WWOX: variants seen among roughly 807,000 people sequenced by gnomAD.
WWOX encodes the protein WW domain containing oxidoreductase, also known as WW domain-containing oxidoreductase.
A neutral mutation model predicts 46.2 loss-of-function variants in WWOX; 69 were observed. The observed-to-expected ratio is 1.49, with a 90% CI of 1.23 to 1.82. The LOEUF (loss-of-function observed/expected upper bound fraction) is 1.82, where lower values mean the gene tolerates loss of function less well. Ranked by LOEUF, WWOX falls within the 40% of genes most tolerant of loss-of-function variation. WWOX has a pLI of 0.00. For synonymous variants in WWOX, 359 were observed against 202.6 expected, an observed-to-expected ratio of 1.77 and a Z score of -6.56; for missense variants, 919 against 542.6, an observed-to-expected ratio of 1.69 and a Z score of -6.89.
At chr16:78,543,714 C>G (rs1036182932) in intron 8 of WWOX, among the ~76,000 whole-genome samples, 1 of 152,174 alleles carries the variant, frequency 6.6e-6, no homozygotes, top group African/African-American at 2.4e-5. Context: ...TGCTCCTTGT[C>G]TTGTGGAGGG....
intron 8 of WWOX, among the ~76,000 whole-genome samples, chr16:78,524,341 C>T (rs1009716965): frequency 2.0e-5 from 3 of 152,100 alleles, no homozygotes; most frequent in South Asian, 2.1e-4. Context: ...TCTCCCTCTC[C>T]ATTAAAATGC....
At chr16:78,669,075 A>G (rs893960911) in intron 8 of WWOX, among the ~76,000 whole-genome samples, 14 of 152,214 alleles carry the variant, frequency 9.2e-5, no homozygotes, top group African/African-American at 3.4e-4. Flanking sequence ...CACTGAAGCT[A>G]CAACTGGAGC....
At chr16:78,568,363 G>C (rs1296846976) in intron 8 of WWOX, among the ~76,000 whole-genome samples, 1 of 151,708 alleles carries the variant, frequency 6.6e-6, no homozygotes, top group Non-Finnish European at 1.5e-5. Context: ...CAAGAACCGT[G>C]GCAGTACTCA....
At chr16:79,082,606 C>T (rs952423267) in intron 8 of WWOX, among the ~76,000 whole-genome samples, 2 of 152,104 alleles carry the variant, frequency 1.3e-5, no homozygotes, top group African/African-American at 2.4e-5. Flanking sequence ...GCCAGAAAGT[C>T]GCGAGTGTTT....
chr16:78,633,483 C>G (rs535104357), intron 8 of WWOX, among the ~76,000 whole-genome samples: 2 of 152,126 alleles, frequency 1.3e-5, no homozygotes, highest in Non-Finnish European at 2.9e-5. Context: ...ACCACGAGTT[C>G]AGAACTTTGG....
intron 8 of WWOX, among the ~76,000 whole-genome samples, chr16:78,924,707 C>T (rs778563106): frequency 6.6e-6 from 1 of 152,162 alleles, no homozygotes; most frequent in African/African-American, 2.4e-5. Context: ...ACCATTAATA[C>T]CTTGAATAAG....
intron 8 of WWOX, among the ~76,000 whole-genome samples, chr16:78,623,619 G>A (rs2738569): frequency 0.72 from 109,943 of 151,750 alleles, 40,009 homozygotes; most frequent in African/African-American, 0.77. Context: ...GGCAGGGGTT[G>A]CAGTGAGTGC....
At chr16:78,261,310 C>CATAT (rs1321289355) in intron 5 of WWOX, among the ~76,000 whole-genome samples, 1 of 150,424 alleles carries the variant, frequency 6.6e-6, no homozygotes, top group East Asian at 1.9e-4. Flanking sequence ...TACATACATA[C>CATAT]ATATAAAATT....
At chr16:78,402,521 G>A (rs138636750) in intron 6 of WWOX, among the ~76,000 whole-genome samples, 8 of 152,198 alleles carry the variant, frequency 5.3e-5, no homozygotes, top group South Asian at 2.1e-4. Flanking sequence ...TTGGAGGTCC[G>A]TAGAAATTGG....
intron 4 of WWOX, chr16:78,119,192 C>T (rs2032966494): frequency 6.6e-6 from 1 of 152,228 alleles, no homozygotes; most frequent in Non-Finnish European, 1.5e-5. Flanking sequence ...TTTTACGACT[C>T]TTTGGAGTTA....
At chr16:78,997,259 C>T (rs925855961) in intron 8 of WWOX, among the ~76,000 whole-genome samples, 1 of 152,132 alleles carries the variant, frequency 6.6e-6, no homozygotes, top group Non-Finnish European at 1.5e-5. Context: ...AATAAGCAGT[C>T]CCAGCAAGAC....
At chr16:78,474,789 C>G (rs1043958396) in intron 8 of WWOX, among the ~76,000 whole-genome samples, 1 of 152,222 alleles carries the variant, frequency 6.6e-6, no homozygotes, top group East Asian at 1.9e-4. Flanking sequence ...CATCTCCATG[C>G]GTTTGTATAT....
intron 8 of WWOX, among the ~76,000 whole-genome samples, chr16:78,730,668 C>A (rs1019094387): frequency 6.8e-6 from 1 of 147,946 alleles, no homozygotes; most frequent in Admixed American, 7.0e-5. Flanking sequence ...CTGTGTTGCC[C>A]GGGATGGTCT....
chr16:79,135,890 C>G (rs1334767136), intron 8 of WWOX, among the ~76,000 whole-genome samples: 8 of 152,090 alleles, frequency 5.3e-5, no homozygotes, highest in Non-Finnish European at 1.2e-4. Flanking sequence ...TATTCTCGGT[C>G]CAGCTTTCTA....
At chr16:78,806,542 G>A (rs1159453640) in intron 8 of WWOX, among the ~76,000 whole-genome samples, 1 of 152,024 alleles carries the variant, frequency 6.6e-6, no homozygotes, top group East Asian at 1.9e-4. Flanking sequence ...CTGACTGGTG[G>A]GTGGGACCCT....
intron 8 of WWOX, among the ~76,000 whole-genome samples, chr16:79,092,346 G>T (rs967482458): frequency 6.6e-6 from 1 of 152,162 alleles, no homozygotes; most frequent in Non-Finnish European, 1.5e-5. Flanking sequence ...TTGAAAACAG[G>T]GCAGTAAAAT....
chr16:78,719,321 C>T (rs1329421372), intron 8 of WWOX, among the ~76,000 whole-genome samples: 2 of 152,224 alleles, frequency 1.3e-5, no homozygotes, highest in Non-Finnish European at 2.9e-5. Flanking sequence ...CCCCATTAAC[C>T]ATCCCTGCTC....
At chr16:79,019,359 G>A (rs1372004606) in intron 8 of WWOX, among the ~76,000 whole-genome samples, 3 of 152,004 alleles carry the variant, frequency 2.0e-5, no homozygotes, top group African/African-American at 4.8e-5. Context: ...GTATGGTCTA[G>A]CCTCTTGGTC....
chr16:78,373,213 T>C (rs1032769273), intron 5 of WWOX, among the ~76,000 whole-genome samples: 1 of 152,204 alleles, frequency 6.6e-6, no homozygotes, highest in African/African-American at 2.4e-5. Flanking sequence ...GTACTAGATC[T>C]ACCTTATGAG....
Sources: gnomAD v4.1 joint callset for allele counts (sites outside exome capture counted in the v4.1 genomes callset) on GRCh38, gnomAD v4.1.1 for gene constraint, MANE v1.5 for transcripts, NCBI Gene and HGNC (gene_info 2026-07-23, HGNC 2026-07-21) for gene names.